The following SSX2IP variants were observed in gnomAD, a reference collection of about 807,000 sequenced individuals.
The protein encoded by SSX2IP is SSX family member 2 interacting protein, also known as afadin- and alpha-actinin-binding protein.
Under a neutral mutation model 84.9 loss-of-function variants are expected in SSX2IP, and 55 were observed. That is an observed-to-expected ratio of 0.65 (90% CI 0.52 to 0.81). The LOEUF is 0.81. Ranked by LOEUF, SSX2IP falls within the 30% of genes least tolerant of loss-of-function variation. The pLI, the probability that SSX2IP is intolerant of heterozygous loss-of-function variation, is 0.00. For synonymous variants in SSX2IP, 239 were observed against 234.7 expected (o/e 1.02, Z -0.17); for missense variants, 664 against 705.2 (o/e 0.94, Z 0.66).
At position 84,658,348 on chromosome 1, in the gene SSX2IP, T is replaced by C. The variant is rs1651429724; in HGVS notation, c.1048A>G (p.Lys350Glu). ...TTATCAAGCTTTTCTACATGACTTT[T>C]CAAAATTCTCCACTGTTTTCTGATG... ...NSIRKQWRILKSHVEKLDNQV... is the reference protein window; with the variant it reads ...NSIRKQWRILESHVEKLDNQV... Residue 350 changes from lysine to glutamate, a missense_variant, in exon 9 of 14, where the codon AAA becomes GAA. By Grantham distance (56) the Lys-to-Glu change is moderately conservative. Coordinates refer to ENST00000342203, the MANE Select transcript of SSX2IP (RefSeq NM_001166293.2). 6.2e-7 allele frequency: 1 copy of C among 1,614,120 alleles called. No individual in the cohort carries two copies. The highest frequency in any genetic ancestry group is 8.5e-7 in the Non-Finnish European group (1 of 1,180,008).
intron 11 of SSX2IP, among the ~76,000 whole-genome samples, chr1:84,653,371 A>C (rs1650598443): frequency 6.6e-6 from 1 of 152,172 alleles, no homozygotes. Context: ...GCATAGGCAA[A>C]TTATGTCAAA....
chr1:84,679,583 A>G (rs1424814140), intron 1 of SSX2IP, among the ~76,000 whole-genome samples: 2 of 152,200 alleles, frequency 1.3e-5, no homozygotes, highest in African/African-American at 2.4e-5. Flanking sequence ...AGACTGATTC[A>G]TATCTTGACG....
At chr1:84,658,489 A>G in intron 8 of SSX2IP, 21 bp from the exon 9 acceptor site, 1 of 1,609,772 alleles carries the variant, frequency 6.2e-7, no homozygotes, top group Non-Finnish European at 8.5e-7. Context: ...AGAGAGATGA[A>G]GAGGAAAGGC....
intron 1 of SSX2IP, among the ~76,000 whole-genome samples, chr1:84,672,225 G>C (rs1653680576): frequency 1.3e-5 from 2 of 152,176 alleles, no homozygotes; most frequent in Admixed American, 6.5e-5. Flanking sequence ...GGGGGAAGAG[G>C]AGGAAGGGTG....
chr1:84,671,410 G>T, intron 1 of SSX2IP, 102 bp from the exon 2 acceptor site: 2 of 993,312 alleles, frequency 2.0e-6, no homozygotes, highest in East Asian at 3.1e-5. Flanking sequence ...AAAACAGAAG[G>T]ATTTTGCAAT....
At chr1:84,662,174 A>G (rs775061597) in intron 8 of SSX2IP, 24 bp downstream of exon 8, 1 of 1,478,792 alleles carries the variant, frequency 6.8e-7, no homozygotes, top group Non-Finnish European at 9.2e-7. Context: ...TGAAGACTGT[A>G]TTAGAGAGGA....
chr1:84,650,984 C>T (rs947556149), intron 12 of SSX2IP, among the ~76,000 whole-genome samples: 3 of 152,066 alleles, frequency 2.0e-5, no homozygotes, highest in African/African-American at 7.2e-5. Flanking sequence ...GGATTACAGG[C>T]GTGAGCCACC....
intron 2 of SSX2IP, 71 bp from the exon 3 acceptor site, chr1:84,670,886 C>T (rs1653478849): frequency 1.6e-6 from 2 of 1,236,972 alleles, no homozygotes; most frequent in Admixed American, 2.2e-5. Flanking sequence ...ATCGCCATTA[C>T]TAAAGACTTT....
At position 84,689,112 on chromosome 1, in the gene SSX2IP, C is replaced by G. The variant is rs555064519; in HGVS notation, c.-90+1259G>C. Among the ~76,000 whole-genome samples the G allele has an allele frequency of 7.8e-4, 119 of 152,328 alleles. 1 individual carries two copies. The highest frequency in any genetic ancestry group is 2.6e-3 in the African/African-American group (108 of 41,576). On this transcript the variant is annotated intron_variant, in intron 1 of 13. Transcript: ENST00000342203. ...GGTTGATAGTTTTAGGATAAGAGATCTGATGGATCAAGTTTTGCCGACTGG... is the reference window on the plus strand; with the variant it reads ...GGTTGATAGTTTTAGGATAAGAGATGTGATGGATCAAGTTTTGCCGACTGG...
chr1:84,684,348 T>C (rs1416639077), intron 1 of SSX2IP, among the ~76,000 whole-genome samples: 1 of 152,212 alleles, frequency 6.6e-6, no homozygotes, highest in African/African-American at 2.4e-5. Context: ...TATAAATTAG[T>C]ATTCTATTTA....
chr1:84,679,391 T>C lies in SSX2IP; in HGVS notation c.-89-8083A>G, dbSNP rs575148712. Among the ~76,000 whole-genome samples the C allele has an allele frequency of 7.8e-4, 119 of 152,342 alleles. 1 individual carries two copies. Among genetic ancestry groups the C allele is most frequent in the African/African-American group, 2.8e-3 (118 of 41,570 alleles). On this transcript the variant is annotated intron_variant, in intron 1 of 13. Transcript: ENST00000342203. ...AATCTAAATTATTTCTTCTGAGTGG[T>C]GCCATTTTCCAGATATTTTCCACAG...
At chr1:84,674,658 T>C (rs1210545074) in intron 1 of SSX2IP, among the ~76,000 whole-genome samples, 2 of 152,206 alleles carry the variant, frequency 1.3e-5, no homozygotes, top group Non-Finnish European at 2.9e-5. Context: ...TCTGCGAATT[T>C]GGCTCTCCTG....
intron 5 of SSX2IP, among the ~76,000 whole-genome samples, chr1:84,664,880 T>C (rs1308588388): frequency 1.3e-5 from 2 of 152,170 alleles, no homozygotes; most frequent in African/African-American, 4.8e-5. Flanking sequence ...ATCTGATCAT[T>C]TTTAGTGAAC....
At chr1:84,679,513 G>A (rs1244967557) in intron 1 of SSX2IP, among the ~76,000 whole-genome samples, 1 of 152,164 alleles carries the variant, frequency 6.6e-6, no homozygotes, top group African/African-American at 2.4e-5. Context: ...GTGGCCAATA[G>A]AGGATTTATA....
chr1:84,678,336 G>A (rs1460839049), intron 1 of SSX2IP, among the ~76,000 whole-genome samples: 4 of 152,146 alleles, frequency 2.6e-5, no homozygotes, highest in Non-Finnish European at 5.9e-5. Context: ...ACTCACTTCA[G>A]CCTCTGTGCC....
intron 4 of SSX2IP, among the ~76,000 whole-genome samples, chr1:84,667,016 G>A (rs1368798972): frequency 6.6e-6 from 1 of 152,116 alleles, no homozygotes; most frequent in East Asian, 1.9e-4. Flanking sequence ...AAATGTAGGA[G>A]TATAACCTGG....
At chr1:84,685,419 G>A (rs933675549) in intron 1 of SSX2IP, among the ~76,000 whole-genome samples, 8 of 152,224 alleles carry the variant, frequency 5.3e-5, no homozygotes, top group African/African-American at 1.9e-4. Flanking sequence ...GAGAGAAGCT[G>A]ATGATGAACT....
intron 1 of SSX2IP, among the ~76,000 whole-genome samples, chr1:84,685,082 T>C (rs1655601525): frequency 6.6e-6 from 1 of 152,220 alleles, no homozygotes; most frequent in Admixed American, 6.5e-5. Flanking sequence ...GAATATAAAC[T>C]AATTCTTTAC....
rs1166507160 is a variant in SSX2IP at position 84,670,742 on chromosome 1, T to C, written c.117A>G (p.Leu39=). 4 of 1,613,204 alleles carry C rather than the reference T, an allele frequency of 2.5e-6. No individual in the cohort carries two copies. Among genetic ancestry groups the C allele is most frequent in the South Asian group, 1.1e-5 (1 of 91,020 alleles). Residue 39 remains leucine (L), a synonymous_variant, in exon 3 of 14, where the codon CTA becomes CTG. Transcript: ENST00000342203. ...TTTTCGATAAAGGTATTGAAGAACA[T>C]AGCACTTGCTGTGAGTATAAACTTG... ...SPSSLYSQQV[L]CSSIPLSKNV... is the part of the protein sequence containing the mutation.
Sources: allele counts gnomAD v4.1 joint callset (sites outside exome capture counted in the v4.1 genomes callset), GRCh38; gene constraint gnomAD v4.1.1; transcripts MANE v1.5; gene names NCBI Gene and HGNC (gene_info 2026-07-23, HGNC 2026-07-21).